Variants in DOLPP1 observed in about 807,000 individuals in gnomAD.
The protein encoded by DOLPP1 is dolichyldiphosphatase 1.
DOLPP1 carries 15 observed loss-of-function variants against 34.1 expected under a neutral mutation model. The observed-to-expected ratio is 0.44, with a 90% CI of 0.29 to 0.68. DOLPP1 has a LOEUF of 0.68. Among genes scored for constraint, DOLPP1 ranks in the 30% least tolerant of loss-of-function variants. The pLI is 0.12. For missense variants in DOLPP1, 249 were observed against 307.1 expected, an observed-to-expected ratio of 0.81 and a Z score of 1.41; for synonymous variants, 130 against 128.2, an observed-to-expected ratio of 1.01 and a Z score of -0.10.
At position 129,086,250 on chromosome 9, in the gene DOLPP1, C is replaced by T. The variant is rs1264694284; in HGVS notation, c.573C>T (p.Phe191=). The change falls in exon 6 of 8, where the codon TTC becomes TTT. Residue 191 remains phenylalanine, a synonymous_variant. Transcript: ENST00000372546. ...CCCAGGAGGTCCTCACCCCGCTGTTCCCCAGGATAGCAGCCTGGTAACTGC... is the reference window on the plus strand; with the variant it reads ...CCCAGGAGGTCCTCACCCCGCTGTTTCCCAGGATAGCAGCCTGGTAACTGC... ...IFTQEVLTPL[F]PRIAAWPVSE... is the part of the protein sequence containing the mutation. 6.2e-7 allele frequency: 1 copy of T among 1,613,210 alleles called. No individual in the cohort carries two copies. Among genetic ancestry groups the T allele is most frequent in the Non-Finnish European group, 8.5e-7 (1 of 1,179,924 alleles).
chr9:129,087,741 G>A (rs1043642011), intron 7 of DOLPP1, among the ~76,000 whole-genome samples: 6 of 152,084 alleles, frequency 3.9e-5, no homozygotes, highest in African/African-American at 1.2e-4. Flanking sequence ...GCCAGGAAAC[G>A]TGTTTAGTGC....
chr9:129,088,823 G>T, intron 7 of DOLPP1, 148 bp from the exon 8 acceptor site: 1 of 709,246 alleles, frequency 1.4e-6, no homozygotes, highest in South Asian at 1.6e-5. Context: ...TCCCAGGGCA[G>T]GTGCTCTGAT....
chr9:129,081,592 A>G (rs1025603919), intron 1 of DOLPP1, among the ~76,000 whole-genome samples: 8 of 152,080 alleles, frequency 5.3e-5, no homozygotes, highest in Non-Finnish European at 2.9e-5. Flanking sequence ...GCGTGCAGGG[A>G]GTGTCTTGTT....
chr9:129,081,974 C>T (rs1846897672), intron 1 of DOLPP1, among the ~76,000 whole-genome samples: 1 of 152,212 alleles, frequency 6.6e-6, no homozygotes, highest in African/African-American at 2.4e-5. Context: ...TAAAGTGGGA[C>T]TGATTACAGT....
intron 7 of DOLPP1, 148 bp downstream of exon 7, chr9:129,086,946 A>G: frequency 1.5e-6 from 1 of 665,630 alleles, no homozygotes; most frequent in South Asian, 1.8e-5. Context: ...CATTTTGCAG[A>G]TGATGAAACT....
intron 7 of DOLPP1, among the ~76,000 whole-genome samples, chr9:129,088,135 TG>T (rs1474132052): frequency 4.6e-5 from 1 of 21,798 alleles, no homozygotes; most frequent in Admixed American, 5.4e-4. Context: ...GAGCTGGGGG[TG>T]GGGGGAGGTG....
chr9:129,088,118 G>A (rs1847027092), intron 7 of DOLPP1, among the ~76,000 whole-genome samples: 1 of 142,832 alleles, frequency 7.0e-6, no homozygotes, highest in Non-Finnish European at 1.5e-5. Context: ...CCTATGTGGG[G>A]ACGTGGGAGC....
chr9:129,088,863 T>C (rs1847043067), intron 7 of DOLPP1, 108 bp from the exon 8 acceptor site: 1 of 1,102,104 alleles, frequency 9.1e-7, no homozygotes, highest in Admixed American at 1.8e-5. Context: ...CGCTGGCTAC[T>C]GGGTGTGGGC....
At chr9:129,084,792 TCCCC>T in intron 2 of DOLPP1, 24 bp downstream of exon 2, 1 of 1,160,926 alleles carries the variant, frequency 8.6e-7, no homozygotes, top group Non-Finnish European at 1.2e-6. Flanking sequence ...GCCCACACCC[TCCCC>T]ACCCCACCCC....
At chr9:129,082,283 A>C (rs1428368396) in intron 1 of DOLPP1, among the ~76,000 whole-genome samples, 1 of 152,154 alleles carries the variant, frequency 6.6e-6, no homozygotes, top group Non-Finnish European at 1.5e-5. Context: ...TCTGGGTTGT[A>C]CTGGGGGTGG....
In DOLPP1 at chr9:129,085,409, G is replaced by C; in HGVS notation, c.362+103G>C. 6.7e-7 allele frequency: 1 copy of C among 1,493,800 alleles called. No individual in the cohort carries two copies. The highest frequency in any genetic ancestry group is 1.7e-5 in the Admixed American group (1 of 59,280). The allele number at this position is 1,493,800 out of a possible 1,614,324, so 92.5% of individuals were successfully genotyped here. ...GGATGCCCCTGGGGTGGGAGGGGCT[G>C]CAGCGGAGGCAGAAGGTACCCAGGG... On this transcript the variant is annotated intron_variant, in intron 4 of 7. Coordinates refer to ENST00000372546, the MANE Select transcript of DOLPP1 (RefSeq NM_020438.5). This position sits in a 1 kb window ranked among gnomAD's most constrained non-coding sequence, Gnocchi z 7.0.
At chr9:129,088,566 ATGGGGAGCTCACT>A (rs1847037606) in intron 7 of DOLPP1, among the ~76,000 whole-genome samples, 1 of 152,092 alleles carries the variant, frequency 6.6e-6, no homozygotes, top group African/African-American at 2.4e-5. Context: ...TACCTCCCGG[ATGGGGAGCTCACT>A]ACATTTCTGT....
chr9:129,082,967 G>A lies in DOLPP1; in HGVS notation c.77-1701G>A, dbSNP rs182190194. ...CATATGTGTCTTTTTTTTTGCCACTGTGGTGGGTTCTTAGTTGTTTGTTGA... is the reference window on the plus strand; with the variant it reads ...CATATGTGTCTTTTTTTTTGCCACTATGGTGGGTTCTTAGTTGTTTGTTGA... On this transcript the variant is annotated intron_variant, in intron 1 of 7. Coordinates refer to ENST00000372546, the MANE Select transcript of DOLPP1 (RefSeq NM_020438.5). 1.4e-4 allele frequency among the ~76,000 whole-genome samples: 22 copies of A among 152,186 alleles called. No individual in the cohort carries two copies. In the East Asian group the frequency reaches 2.9e-3, roughly 20 times the overall value.
intron 7 of DOLPP1, 54 bp downstream of exon 7, chr9:129,086,852 TC>T: frequency 6.5e-7 from 1 of 1,538,976 alleles, no homozygotes; most frequent in Non-Finnish European, 9.0e-7. Context: ...AGCCTCTGCC[TC>T]CATGTTTGGA....
chr9:129,081,590 G>A (rs1461344122), intron 1 of DOLPP1, among the ~76,000 whole-genome samples: 1 of 152,230 alleles, frequency 6.6e-6, no homozygotes, highest in Admixed American at 6.5e-5. Context: ...CAGCGTGCAG[G>A]GAGTGTCTTG....
At chr9:129,087,178 A>C (rs1042162854) in intron 7 of DOLPP1, among the ~76,000 whole-genome samples, 5 of 152,128 alleles carry the variant, frequency 3.3e-5, no homozygotes, top group African/African-American at 1.2e-4. Flanking sequence ...AGGCACATTG[A>C]GTTAGGAGGC....
chr9:129,087,318 CTTT>C (rs71507949), intron 7 of DOLPP1, among the ~76,000 whole-genome samples: 9 of 135,734 alleles, frequency 6.6e-5, no homozygotes, highest in Admixed American at 7.4e-5. Context: ...TCTTTTTTTT[CTTT>C]TTTTTTTTTT....
At chr9:129,082,598 A>G (rs1390887607) in intron 1 of DOLPP1, among the ~76,000 whole-genome samples, 1 of 152,186 alleles carries the variant, frequency 6.6e-6, no homozygotes, top group East Asian at 1.9e-4. Flanking sequence ...AACAAGCCAG[A>G]AGGAACCTGG....
chr9:129,084,919 C>A, intron 2 of DOLPP1, 104 bp from the exon 3 acceptor site: 1 of 1,370,448 alleles, frequency 7.3e-7, no homozygotes, highest in Non-Finnish European at 1.0e-6. Context: ...CTAGGTTACT[C>A]ACCTGTTGGG....
Sources: gnomAD v4.1 joint callset for allele counts (sites outside exome capture counted in the v4.1 genomes callset) on GRCh38, gnomAD v4.1.1 for gene constraint, Gnocchi (gnomAD v3.1) non-coding constraint, MANE v1.5 for transcripts, NCBI Gene and HGNC (gene_info 2026-07-23, HGNC 2026-07-21) for gene names.